PHF12: variants seen among roughly 807,000 people sequenced by gnomAD.
PHF12 encodes PHD factor 1.
In PHF12, 6 loss-of-function variants were observed where a neutral mutation model predicts 99.8. The observed-to-expected ratio is 0.06, with a 90% CI of 0.03 to 0.12. The LOEUF (loss-of-function observed/expected upper bound fraction) is 0.12. Among genes scored for constraint, PHF12 ranks in the 10% least tolerant of loss-of-function variants. PHF12 has a pLI of 1.00. For synonymous variants in PHF12, 480 were observed against 514.9 expected (o/e 0.93, Z 0.92); for missense variants, 954 against 1,300.1 (o/e 0.73, Z 4.09).
chr17:28,914,629 G>A (rs1334923500), intron 7 of PHF12, among the ~76,000 whole-genome samples: 2 of 128,742 alleles, frequency 1.6e-5, no homozygotes, highest in East Asian at 2.4e-4. Flanking sequence ...CCGAGATAGG[G>A]CCACTGCAGT....
At chr17:28,923,349 C>CCT (rs1555605654) in intron 4 of PHF12, among the ~76,000 whole-genome samples, 5 of 147,412 alleles carry the variant, frequency 3.4e-5, no homozygotes, top group Non-Finnish European at 6.0e-5. Flanking sequence ...ATGTATAATA[C>CCT]TTTTTTTTTT....
intron 2 of PHF12, among the ~76,000 whole-genome samples, chr17:28,948,552 CA>C (rs2040755198): frequency 6.6e-6 from 1 of 152,152 alleles, no homozygotes; most frequent in Admixed American, 6.5e-5. Flanking sequence ...CCCTCCTGGG[CA>C]AAAGTATCTT....
intron 7 of PHF12, among the ~76,000 whole-genome samples, chr17:28,915,909 C>T (rs2040053113): frequency 6.6e-6 from 1 of 152,164 alleles, no homozygotes; most frequent in Non-Finnish European, 1.5e-5. Flanking sequence ...CACCATACAA[C>T]AAGGGGATTT....
chr17:28,919,076 C>A (rs1239095999), intron 6 of PHF12, 67 bp downstream of exon 6: 2 of 1,516,228 alleles, frequency 1.3e-6, no homozygotes, highest in Non-Finnish European at 1.8e-6. Flanking sequence ...CCTTAATATG[C>A]TTTCTGCTAA....
Position 28,948,213 on chromosome 17 carries a change from T to C in PHF12, c.248+1852A>G, listed in dbSNP as rs186793256. ...ATCATGGTTAACACCAATTTCATCC[T>C]AGGAGTAGGACGTAAGCCCACATTT... On this transcript the variant is annotated intron_variant, in intron 2 of 14. Coordinates refer to ENST00000332830, the MANE Select transcript of PHF12 (RefSeq NM_001033561.2). 3.2e-3 allele frequency among the ~76,000 whole-genome samples: 492 copies of C among 152,348 alleles called. 8 individuals carry two copies. The highest frequency in any genetic ancestry group is 4.3e-3 in the Non-Finnish European group (292 of 68,028).
chr17:28,928,599 C>T (rs560608182), intron 2 of PHF12, among the ~76,000 whole-genome samples: 58 of 152,150 alleles, frequency 3.8e-4, no homozygotes, highest in Admixed American at 1.0e-3. Flanking sequence ...CTGGCTAACA[C>T]GGTGAAACCC....
At chr17:28,907,912 C>A in intron 12 of PHF12, 1 of 395,846 alleles carries the variant, frequency 2.5e-6, no homozygotes, top group Non-Finnish European at 4.8e-6. Flanking sequence ...GTGGCTGCTA[C>A]CCAGAAGGGA....
chr17:28,913,406 G>T, intron 8 of PHF12, 129 bp from the exon 9 acceptor site: 1 of 1,452,888 alleles, frequency 6.9e-7, no homozygotes, highest in Non-Finnish European at 9.0e-7. Flanking sequence ...CTCACAAAGG[G>T]TGTGCTTGAC....
chr17:28,922,000 C>T (rs951281075), intron 4 of PHF12, among the ~76,000 whole-genome samples, 192 bp from the exon 5 acceptor site: 3 of 152,140 alleles, frequency 2.0e-5, no homozygotes, highest in Non-Finnish European at 4.4e-5. Context: ...AAAAAAGAGA[C>T]TAATACGTAA....
chr17:28,921,214 G>A (rs755436389), intron 5 of PHF12, among the ~76,000 whole-genome samples: 1 of 151,764 alleles, frequency 6.6e-6, no homozygotes. Flanking sequence ...ACAGGGTCTC[G>A]CTCTGTTGAC....
In PHF12 at chr17:28,951,419, G is replaced by A. The variant is rs1340108158; in HGVS notation, c.-459C>T. Reference sequence around the variant, plus strand: ...TGGTCCCCGGGCTCCGCCTCTCGCCGCCGCCGCCGTCTGCGTCCCGGCTGC... The same window carrying A: ...TGGTCCCCGGGCTCCGCCTCTCGCCACCGCCGCCGTCTGCGTCCCGGCTGC... On this transcript the variant is annotated 5_prime_UTR_variant, in exon 1 of 15. Coordinates refer to ENST00000332830, the MANE Select transcript of PHF12 (RefSeq NM_001033561.2). 1 of 987,310 alleles carries A rather than the reference G, an allele frequency of 1.0e-6. No homozygotes were observed. Among genetic ancestry groups the A allele is most frequent in the Non-Finnish European group, 1.2e-6 (1 of 831,218 alleles). 61.2% of individuals were successfully genotyped at this position (987,310 alleles called of 1,614,324 possible). A position where few individuals can be genotyped will look rare whatever the true frequency, so the allele number is the denominator to read the frequency against.
At chr17:28,946,744 CCTA>C (rs1438701843) in intron 2 of PHF12, among the ~76,000 whole-genome samples, 2 of 152,140 alleles carry the variant, frequency 1.3e-5, no homozygotes, top group South Asian at 4.1e-4. Flanking sequence ...TGCTATGTTG[CCTA>C]GACTGGTCTT....
Position 28,949,006 on chromosome 17 carries a change from T to C in PHF12, c.248+1059A>G, listed in dbSNP as rs991050588. Among the ~76,000 whole-genome samples, 7 of 152,088 alleles carry C rather than the reference T, an allele frequency of 4.6e-5. No homozygotes were observed. Among genetic ancestry groups the C allele is most frequent in the Non-Finnish European group, 8.8e-5 (6 of 68,004 alleles). On this transcript the variant is annotated intron_variant, in intron 2 of 14. Coordinates refer to ENST00000332830, the MANE Select transcript of PHF12 (RefSeq NM_001033561.2). This position sits in a 1 kb window ranked among gnomAD's most constrained non-coding sequence, Gnocchi z 4.6. ...GTTTAAACTCTTCTTTGCCGGATTGTCCTGGGCTGAGCCGCTGAGGAGGAT... is the reference window on the plus strand; with the variant it reads ...GTTTAAACTCTTCTTTGCCGGATTGCCCTGGGCTGAGCCGCTGAGGAGGAT...
intron 2 of PHF12, among the ~76,000 whole-genome samples, chr17:28,946,952 C>T (rs1373267170): frequency 6.6e-6 from 1 of 152,138 alleles, no homozygotes; most frequent in Non-Finnish European, 1.5e-5. Flanking sequence ...TAACCTTACT[C>T]TCACATGATA....
chr17:28,932,465 T>C (rs2040430846), intron 2 of PHF12, among the ~76,000 whole-genome samples: 1 of 152,172 alleles, frequency 6.6e-6, no homozygotes, highest in Admixed American at 6.5e-5. Flanking sequence ...AAGGGATTCA[T>C]GAAATGGTTC....
At position 28,950,693 on chromosome 17, in the gene PHF12, G is replaced by T; in HGVS notation, c.66+202C>A. The T allele has an allele frequency of 1.5e-6, 1 of 684,416 alleles. No homozygotes were observed. The highest frequency in any genetic ancestry group is 3.2e-5 in the East Asian group (1 of 31,080). 42.4% of individuals were successfully genotyped at this position (684,416 alleles called of 1,614,324 possible). On this transcript the variant is annotated intron_variant, in intron 1 of 14. Transcript: ENST00000332830. The surrounding 1 kb of genome is among the most constrained non-coding windows in gnomAD (Gnocchi z 5.7). ...CTCGGGAGAGCGAATCGAGGGCGGC[G>T]GGTAGGTGAAACTGCTGCAAACGTC... is the stretch of plus-strand genomic sequence containing the variant.
In PHF12 at chr17:28,906,158, G is replaced by A. The variant is rs748602352; in HGVS notation, c.*25C>T. The A allele has an allele frequency of 6.4e-7, 1 of 1,567,372 alleles. No homozygotes were observed. On this transcript the variant is annotated 3_prime_UTR_variant, in exon 15 of 15. Coordinates refer to ENST00000332830, the MANE Select transcript of PHF12 (RefSeq NM_001033561.2). The surrounding 1 kb of genome is among the most constrained non-coding windows in gnomAD (Gnocchi z 4.2). ...GCAGGAGTCTTGGGTGGGTGTACAGGCCAGTGGCGGGGTAGCCGCCAGTCC... is the reference window on the plus strand; with the variant it reads ...GCAGGAGTCTTGGGTGGGTGTACAGACCAGTGGCGGGGTAGCCGCCAGTCC...
intron 7 of PHF12, among the ~76,000 whole-genome samples, chr17:28,914,283 G>A (rs2040021423): frequency 6.6e-6 from 1 of 152,108 alleles, no homozygotes; most frequent in African/African-American, 2.4e-5. Context: ...TAGCCTGAAA[G>A]GTGTAAGACT....
chr17:28,931,359 G>A (rs904702416), intron 2 of PHF12, among the ~76,000 whole-genome samples: 21 of 151,110 alleles, frequency 1.4e-4, no homozygotes, highest in Admixed American at 7.9e-4. Flanking sequence ...GGGTTCAAGC[G>A]ATTCCCTTGC....
Sources: gnomAD v4.1 joint callset for allele counts (sites outside exome capture counted in the v4.1 genomes callset) on GRCh38, gnomAD v4.1.1 for gene constraint, Gnocchi (gnomAD v3.1) non-coding constraint, MANE v1.5 for transcripts, NCBI Gene and HGNC (gene_info 2026-07-23, HGNC 2026-07-21) for gene names.